The following NSMCE1 variants were observed in gnomAD, a reference collection of about 807,000 sequenced individuals.
NSMCE1 encodes the protein NSE1 component of SMC5/6 complex.
A neutral mutation model predicts 29.6 loss-of-function variants in NSMCE1; 18 were observed. That is an observed-to-expected ratio of 0.61 (90% confidence interval 0.42 to 0.90). The LOEUF is 0.90. Ranked by LOEUF, NSMCE1 falls within the 40% of genes least tolerant of loss-of-function variation. The pLI is 0.00. For synonymous variants in NSMCE1, 124 were observed against 133.4 expected, an observed-to-expected ratio of 0.93 and a Z score of 0.49; for missense variants, 314 against 343.6, an observed-to-expected ratio of 0.91 and a Z score of 0.68.
intron 2 of NSMCE1, among the ~76,000 whole-genome samples, chr16:27,247,414 G>A (rs1215374728): frequency 2.0e-5 from 3 of 152,124 alleles, no homozygotes; most frequent in African/African-American, 4.8e-5. Context: ...CATGCTGAAC[G>A]GTGAGTCAAT....
chr16:27,226,023 G>T, intron 6 of NSMCE1, 177 bp from the exon 7 acceptor site: 2 of 678,214 alleles, frequency 2.9e-6, no homozygotes, highest in South Asian at 1.9e-5. Flanking sequence ...TTGTTTGCTT[G>T]CTGCTTGTTG....
chr16:27,254,452 G>C (rs1171440821), intron 2 of NSMCE1, among the ~76,000 whole-genome samples: 1 of 152,186 alleles, frequency 6.6e-6, no homozygotes, highest in African/African-American at 2.4e-5. Flanking sequence ...TTAGTACCAA[G>C]GCATCATGTG....
At chr16:27,249,274 A>C (rs182847444) in intron 2 of NSMCE1, among the ~76,000 whole-genome samples, 1 of 152,142 alleles carries the variant, frequency 6.6e-6, no homozygotes, top group African/African-American at 2.4e-5. Flanking sequence ...TTTTAATGTA[A>C]ATTTTTAATT....
chr16:27,241,780 C>G (rs1326173396), intron 2 of NSMCE1: 3 of 441,760 alleles, frequency 6.8e-6, no homozygotes, highest in Non-Finnish European at 4.6e-6. Context: ...TCACTACACG[C>G]TGCAGCGCCG....
intron 4 of NSMCE1, among the ~76,000 whole-genome samples, chr16:27,233,640 CCT>C (rs1440872126): frequency 5.3e-5 from 8 of 152,232 alleles, no homozygotes; most frequent in African/African-American, 1.9e-4. Flanking sequence ...TTATTTTTCA[CCT>C]CTGCAGTTAT....
intron 2 of NSMCE1, among the ~76,000 whole-genome samples, chr16:27,256,336 T>G (rs2084086426): frequency 1.3e-5 from 2 of 152,228 alleles, no homozygotes; most frequent in African/African-American, 4.8e-5. Flanking sequence ...AAGACTTTTC[T>G]TTTTAATAAA....
intron 2 of NSMCE1, among the ~76,000 whole-genome samples, chr16:27,244,327 C>T (rs757253688): frequency 9.2e-5 from 14 of 152,338 alleles, no homozygotes; most frequent in East Asian, 7.7e-4. Context: ...CTCTGACAGG[C>T]GCACGCCCTT....
At chr16:27,235,419 G>A (rs938422422) in intron 2 of NSMCE1, 120 bp from the exon 3 acceptor site, 8 of 1,110,548 alleles carry the variant, frequency 7.2e-6, no homozygotes, top group African/African-American at 1.6e-5. Context: ...GACATGGGTG[G>A]AGGCTGCAGC....
Position 27,238,758 on chromosome 16 carries a change from C to T in NSMCE1, c.137-3459G>A, listed in dbSNP as rs1386034038. On this transcript the variant is annotated intron_variant, in intron 2 of 7. Transcript: ENST00000361439. The stretch of plus-strand genomic sequence containing the variant: ...GGAGGTGGCTCCAGCCCAGAAGCTA[C>T]AGAGGGCCAGCTGCTCTGGCCATGA... 1.3e-5 allele frequency among the ~76,000 whole-genome samples: 2 copies of T among 152,100 alleles called. 1 individual carries two copies. The highest frequency in any genetic ancestry group is 4.8e-5 in the African/African-American group (2 of 41,428).
intron 5 of NSMCE1, among the ~76,000 whole-genome samples, chr16:27,227,707 C>T (rs1187786423): frequency 6.6e-6 from 1 of 152,128 alleles, no homozygotes; most frequent in Admixed American, 6.5e-5. Flanking sequence ...CACCCGAGTG[C>T]TCAACTGCCT....
intron 2 of NSMCE1, among the ~76,000 whole-genome samples, chr16:27,251,161 T>TATATATATATATATATATATATATATAA (rs1567281107): frequency 9.9e-5 from 5 of 50,426 alleles, no homozygotes; most frequent in Non-Finnish European, 1.6e-4. Flanking sequence ...TTATTTAAAA[T>TATATATATATATATATATATATATATAA]ATATATATAT....
chr16:27,226,820 G>A lies in NSMCE1; in HGVS notation c.500C>T (p.Thr167Ile). ...CTCCAGGATGGCCCGGCCGTGCAGG[G>A]TGAACTCCCCTTCCTTCTGCAGGGA... ...KWLIEKEGEFTLHGRAILEME... is the reference protein window; with the variant it reads ...KWLIEKEGEFILHGRAILEME... The change falls in exon 6 of 8, where the codon ACC becomes ATC. Residue 167 changes from threonine (T) to isoleucine (I), a missense_variant. By Grantham distance (89) the Thr-to-Ile change is moderately conservative (BLOSUM62 -1). Transcript: ENST00000361439. The A allele has an allele frequency of 6.2e-7, 1 of 1,612,708 alleles. No individual in the cohort carries two copies. Among genetic ancestry groups the A allele is most frequent in the South Asian group, 1.1e-5 (1 of 91,042 alleles).
intron 5 of NSMCE1, among the ~76,000 whole-genome samples, chr16:27,227,932 T>A: frequency 6.6e-6 from 1 of 152,034 alleles, no homozygotes; most frequent in East Asian, 1.9e-4. Flanking sequence ...ATTACAGGCA[T>A]GCGCCACCAC....
At chr16:27,247,135 TGTGTCCA>T (rs1407722372) in intron 2 of NSMCE1, among the ~76,000 whole-genome samples, 14 of 152,192 alleles carry the variant, frequency 9.2e-5, no homozygotes, top group Admixed American at 9.2e-4. Flanking sequence ...ATGGTTTGGC[TGTGTCCA>T]CCCAAATCTC....
intron 2 of NSMCE1, among the ~76,000 whole-genome samples, chr16:27,251,566 T>C (rs560967960): frequency 7.9e-4 from 121 of 152,210 alleles, no homozygotes; most frequent in African/African-American, 2.8e-3. Context: ...GGAGTCTTGT[T>C]TGGGGTTTTC....
intron 2 of NSMCE1, among the ~76,000 whole-genome samples, chr16:27,240,989 G>T (rs2083887608): frequency 6.6e-6 from 1 of 152,174 alleles, no homozygotes; most frequent in African/African-American, 2.4e-5. Flanking sequence ...CAGGAGGATA[G>T]CTTGAGCCCA....
chr16:27,236,575 G>A (rs2083828029), intron 2 of NSMCE1, among the ~76,000 whole-genome samples: 1 of 152,160 alleles, frequency 6.6e-6, no homozygotes, highest in Non-Finnish European at 1.5e-5. Context: ...GGGATTATAG[G>A]CGTGAGCCAC....
chr16:27,255,440 C>G (rs1567282853), intron 2 of NSMCE1, among the ~76,000 whole-genome samples: 1 of 152,162 alleles, frequency 6.6e-6, no homozygotes, highest in Non-Finnish European at 1.5e-5. Context: ...AACCTACACA[C>G]GAAAAGAATG....
intron 1 of NSMCE1, among the ~76,000 whole-genome samples, chr16:27,261,981 G>A (rs2084162843): frequency 6.6e-6 from 1 of 152,208 alleles, no homozygotes; most frequent in South Asian, 2.1e-4. Context: ...GGTGGCTCAT[G>A]CCTGTAATCC....
Sources: gnomAD v4.1 joint callset for allele counts (sites outside exome capture counted in the v4.1 genomes callset) on GRCh38, gnomAD v4.1.1 for gene constraint, MANE v1.5 for transcripts, NCBI Gene and HGNC (gene_info 2026-07-23, HGNC 2026-07-21) for gene names.